The following GCH1 variants were observed in gnomAD, a reference collection of about 807,000 sequenced individuals.
GCH1 encodes GTP cyclohydrolase 1, also known as GTP cyclohydrolase I.
Under a neutral mutation model 25.9 loss-of-function variants are expected in GCH1, and 5 were observed. That is an observed-to-expected ratio of 0.19 (90% CI 0.10 to 0.41). The LOEUF (loss-of-function observed/expected upper bound fraction) is 0.41, where lower values mean the gene tolerates loss of function less well. Ranked by LOEUF, GCH1 falls within the 10% of genes least tolerant of loss-of-function variation. The pLI, the probability that GCH1 is intolerant of heterozygous loss-of-function variation, is 1.00. For missense variants in GCH1, 261 were observed against 336.5 expected, an observed-to-expected ratio of 0.78 and a Z score of 1.75; for synonymous variants, 159 against 129.6, an observed-to-expected ratio of 1.23 and a Z score of -1.54.
In GCH1 at chr14:54,843,314, A is replaced by C; in HGVS notation, c.*703T>G. ...ATTCTTATCAAGGCACAGAGAGTTA[A>C]ATGTCTAAATCCCTGTATGTTGACA... is the stretch of plus-strand genomic sequence containing the variant. On this transcript the variant is annotated 3_prime_UTR_variant, in exon 6 of 6. Coordinates refer to ENST00000491895, the MANE Select transcript of GCH1 (RefSeq NM_000161.3). The C allele has an allele frequency of 7.5e-7, 1 of 1,330,420 alleles. No homozygotes were observed. The allele number at this position is 1,330,420 out of a possible 1,614,324, so 82.4% of individuals were successfully genotyped here.
At chr14:54,887,824 G>A (rs937263579) in intron 1 of GCH1, among the ~76,000 whole-genome samples, 3 of 152,096 alleles carry the variant, frequency 2.0e-5, no homozygotes, top group African/African-American at 4.8e-5. Flanking sequence ...AAGTATATAG[G>A]TGTCTATTAT....
At chr14:54,853,992 TTC>T (rs1370203848) in intron 3 of GCH1, among the ~76,000 whole-genome samples, 1 of 152,222 alleles carries the variant, frequency 6.6e-6, no homozygotes, top group Non-Finnish European at 1.5e-5. Context: ...GTCCATTCCT[TTC>T]TCTCCCCATC....
At chr14:54,888,799 A>C (rs2040388303) in intron 1 of GCH1, among the ~76,000 whole-genome samples, 1 of 151,928 alleles carries the variant, frequency 6.6e-6, no homozygotes, top group Admixed American at 6.6e-5. Flanking sequence ...CTGGGATTAC[A>C]GGCATGAGCC....
At position 54,842,939 on chromosome 14, in the gene GCH1, C is replaced by G. The variant is rs2039580386; in HGVS notation, c.*1078G>C. The G allele has an allele frequency of 6.1e-6, 4 of 658,994 alleles. 1 individual carries two copies. The highest frequency in any genetic ancestry group is 1.1e-5 in the Non-Finnish European group (4 of 360,666). The allele number at this position is 658,994 out of a possible 1,614,324, so 40.8% of individuals were successfully genotyped here. A position where few individuals can be genotyped will look rare whatever the true frequency, so the allele number is the denominator to read the frequency against. ...GGACCAGAAGCTTCCAGTGCATTTT[C>G]ACAGATCGTTGGTACGATACGCTTT... On this transcript the variant is annotated 3_prime_UTR_variant, in exon 6 of 6. Coordinates refer to ENST00000491895, the MANE Select transcript of GCH1 (RefSeq NM_000161.3).
At chr14:54,892,180 G>C (rs527734827) in intron 1 of GCH1, among the ~76,000 whole-genome samples, 3 of 152,278 alleles carry the variant, frequency 2.0e-5, no homozygotes, top group African/African-American at 7.2e-5. Flanking sequence ...GCTTAGTTAA[G>C]ATGGAAAAGG....
At chr14:54,897,004 C>CTTTTTTTTTT (rs1264967638) in intron 1 of GCH1, among the ~76,000 whole-genome samples, 3 of 115,938 alleles carry the variant, frequency 2.6e-5, no homozygotes, top group African/African-American at 3.9e-5. Flanking sequence ...TTCTACTCCA[C>CTTTTTTTTTT]TTTTTGTTTT....
intron 3 of GCH1, among the ~76,000 whole-genome samples, chr14:54,858,146 C>A (rs929872906): frequency 2.0e-5 from 3 of 148,658 alleles, no homozygotes; most frequent in Non-Finnish European, 3.0e-5. Context: ...TTTTTTTTTA[C>A]AGATTCCAAC....
chr14:54,902,618 C>A lies in GCH1; in HGVS notation c.46G>T (p.Ala16Ser). 1 of 1,487,834 alleles carries A rather than the reference C, an allele frequency of 6.7e-7. No individual in the cohort carries two copies. The highest frequency in any genetic ancestry group is 8.9e-7 in the Non-Finnish European group (1 of 1,121,472). 92.2% of individuals were successfully genotyped at this position (1,487,834 alleles called of 1,614,324 possible). Residue 16 changes from alanine (A) to serine (S), a missense_variant, in exon 1 of 6, where the codon GCC becomes TCC. Ala to Ser is a moderately conservative substitution (Grantham distance 99). Around this residue, in one of 3 missense-constraint regions of GCH1, gnomAD observed 125 missense variants for 128.7 expected, o/e 0.97. Transcript: ENST00000491895. ...TCGGGGAACCCATTGCTGCACCTGG[C>A]GCCCCGCGGCTTCTCCGCCGGTGCC... ...VRAPAEKPRGARCSNGFPERD... is the reference protein window; with the variant it reads ...VRAPAEKPRGSRCSNGFPERD...
chr14:54,899,406 C>T (rs1179360409), intron 1 of GCH1, among the ~76,000 whole-genome samples: 1 of 152,020 alleles, frequency 6.6e-6, no homozygotes, highest in Admixed American at 6.6e-5. Context: ...TGCAGTGAGC[C>T]GAGATTGCGC....
At chr14:54,847,172 GA>G (rs768819459) in intron 3 of GCH1, 42 bp from the exon 4 acceptor site, 2 of 810,162 alleles carry the variant, frequency 2.5e-6, no homozygotes, top group South Asian at 3.0e-5. Flanking sequence ...CAAATCATTT[GA>G]AGTAAAATTG....
intron 1 of GCH1, among the ~76,000 whole-genome samples, chr14:54,890,194 T>C (rs2040405602): frequency 6.6e-6 from 1 of 152,174 alleles, no homozygotes; most frequent in Non-Finnish European, 1.5e-5. Context: ...GAAAGAATAA[T>C]TGCAGATAAA....
chr14:54,899,412 T>C (rs1488899041), intron 1 of GCH1, among the ~76,000 whole-genome samples: 1 of 152,116 alleles, frequency 6.6e-6, no homozygotes, highest in African/African-American at 2.4e-5. Flanking sequence ...GAGCCGAGAT[T>C]GCGCCACTGC....
At chr14:54,891,405 A>ATTTT (rs538686624) in intron 1 of GCH1, among the ~76,000 whole-genome samples, 28 of 109,030 alleles carry the variant, frequency 2.6e-4, no homozygotes, top group African/African-American at 7.5e-4. Flanking sequence ...CATGCCTGGC[A>ATTTT]TTTTTTTTTT....
intron 1 of GCH1, among the ~76,000 whole-genome samples, chr14:54,901,801 C>A (rs2040569304): frequency 6.6e-6 from 1 of 152,132 alleles, no homozygotes; most frequent in African/African-American, 2.4e-5. Flanking sequence ...ACTCCGATCC[C>A]CTGGCAAATC....
At chr14:54,892,525 C>T (rs1402862774) in intron 1 of GCH1, among the ~76,000 whole-genome samples, 1 of 151,996 alleles carries the variant, frequency 6.6e-6, no homozygotes, top group East Asian at 1.9e-4. Flanking sequence ...CCAGTCTCTA[C>T]TAAAAATACA....
At chr14:54,901,053 G>A (rs1257410718) in intron 1 of GCH1, among the ~76,000 whole-genome samples, 2 of 152,134 alleles carry the variant, frequency 1.3e-5, no homozygotes, top group Admixed American at 1.3e-4. Flanking sequence ...GCCGGTTTTA[G>A]AGTGTAGCAT....
chr14:54,860,190 C>A (rs1406269502), intron 2 of GCH1, among the ~76,000 whole-genome samples: 5 of 152,100 alleles, frequency 3.3e-5, no homozygotes, highest in Non-Finnish European at 7.4e-5. Flanking sequence ...CTAAGTGGAC[C>A]CATGCAGTTC....
chr14:54,854,017 G>A (rs1458378338), intron 3 of GCH1, among the ~76,000 whole-genome samples: 1 of 151,936 alleles, frequency 6.6e-6, no homozygotes. Flanking sequence ...TTTAAAAAAC[G>A]TATTCATCAA....
intron 1 of GCH1, among the ~76,000 whole-genome samples, chr14:54,893,707 C>T (rs2140116208): frequency 6.6e-6 from 1 of 152,300 alleles, no homozygotes; most frequent in East Asian, 1.9e-4. Context: ...ATATTGCCTA[C>T]CCCATCGTGC....
Sources: gnomAD v4.1 joint callset for allele counts (sites outside exome capture counted in the v4.1 genomes callset) on GRCh38, gnomAD v4.1.1 for gene constraint, gnomAD v4.1.1 regional missense constraint, MANE v1.5 for transcripts, NCBI Gene and HGNC (gene_info 2026-07-23, HGNC 2026-07-21) for gene names.